BABAM2: variants seen among roughly 807,000 people sequenced by gnomAD.
The protein encoded by BABAM2 is BRISC and BRCA1 A complex member 2.
A neutral mutation model predicts 54.7 loss-of-function variants in BABAM2; 31 were observed. That is an observed-to-expected ratio of 0.57 (90% CI 0.43 to 0.77). BABAM2 has a LOEUF of 0.77. Ranked by LOEUF, BABAM2 falls within the 30% of genes least tolerant of loss-of-function variation. BABAM2 has a pLI of 0.00. For synonymous variants in BABAM2, 167 were observed against 162.9 expected (o/e 1.03, Z -0.19); for missense variants, 364 against 455.8 (o/e 0.80, Z 1.83).
chr2:28,314,152 G>A (rs1356685416), intron 11 of BABAM2, among the ~76,000 whole-genome samples: 1 of 152,092 alleles, frequency 6.6e-6, no homozygotes, highest in Non-Finnish European at 1.5e-5. Flanking sequence ...CAGACAATAA[G>A]AATTGTAAAA....
chr2:28,076,825 G>A (rs1664731144), intron 6 of BABAM2, among the ~76,000 whole-genome samples: 1 of 152,040 alleles, frequency 6.6e-6, no homozygotes, highest in African/African-American at 2.4e-5. Flanking sequence ...TTAATAGAAA[G>A]TTTTATCATC....
chr2:27,986,051 G>A lies in BABAM2; in HGVS notation c.206-1942G>A, dbSNP rs145670870. Among the ~76,000 whole-genome samples the A allele has an allele frequency of 7.2e-4, 109 of 152,238 alleles. 1 individual carries two copies. In the South Asian group the frequency reaches 0.017, roughly 24 times the overall value. ...AGAACTGAGCAAGGAGAGAGATATA[G>A]TATTTGATGTCATAGTATTTGGAGG... On this transcript the variant is annotated intron_variant, in intron 3 of 11. Coordinates refer to ENST00000379624, the MANE Select transcript of BABAM2 (RefSeq NM_199191.3).
chr2:27,969,985 A>G (rs2148448836), intron 3 of BABAM2, among the ~76,000 whole-genome samples: 1 of 152,138 alleles, frequency 6.6e-6, no homozygotes, highest in East Asian at 1.9e-4. Flanking sequence ...GGCATCTGCT[A>G]CACTTCTCAG....
At chr2:27,900,423 T>G (rs781511172) in intron 2 of BABAM2, among the ~76,000 whole-genome samples, 1 of 152,110 alleles carries the variant, frequency 6.6e-6, no homozygotes, top group Non-Finnish European at 1.5e-5. Flanking sequence ...TTATCTAGAT[T>G]TTTCTACCTT....
chr2:28,265,769 G>A lies in BABAM2; in HGVS notation c.934+20907G>A, dbSNP rs574244460. Among the ~76,000 whole-genome samples the A allele has an allele frequency of 2.6e-5, 4 of 152,118 alleles. No homozygotes were observed. In the East Asian group the frequency reaches 7.7e-4, roughly 29 times the overall value. On this transcript the variant is annotated intron_variant, in intron 10 of 11. Transcript: ENST00000379624. ...CCCCACCCCACATACAAAACATAGGGACTCTCTCTAAGAATGTACCTTTAA... is the reference window on the plus strand; with the variant it reads ...CCCCACCCCACATACAAAACATAGGAACTCTCTCTAAGAATGTACCTTTAA...
chr2:28,061,733 C>G (rs1291681705), intron 6 of BABAM2, among the ~76,000 whole-genome samples: 3 of 151,466 alleles, frequency 2.0e-5, no homozygotes, highest in Non-Finnish European at 4.4e-5. Context: ...AAACCTGAAA[C>G]TATACAACTT....
At chr2:28,205,817 T>C (rs1678785624) in intron 7 of BABAM2, among the ~76,000 whole-genome samples, 1 of 152,242 alleles carries the variant, frequency 6.6e-6, no homozygotes, top group African/African-American at 2.4e-5. Context: ...AGTAGAAATT[T>C]ATTTCTCCTA....
intron 10 of BABAM2, among the ~76,000 whole-genome samples, chr2:28,278,219 T>C (rs1453505736): frequency 6.6e-6 from 1 of 152,162 alleles, no homozygotes. Context: ...TTGGGAGTAT[T>C]TTGAACAGGG....
rs1669140603 is a variant in BABAM2, at chr2:27,944,349, A to G, written c.205+14441A>G. Among the ~76,000 whole-genome samples, 3 of 152,172 alleles carry G rather than the reference A, an allele frequency of 2.0e-5. No individual in the cohort carries two copies. In the South Asian group the frequency reaches 6.2e-4, roughly 32 times the overall value. On this transcript the variant is annotated intron_variant, in intron 3 of 11. Transcript: ENST00000379624. ...AAGATAAAGAACATTTCCATTCCCT[A>G]AAGGTATAGAACATTTCCTTACCCA...
intron 7 of BABAM2, among the ~76,000 whole-genome samples, chr2:28,141,493 C>T (rs1458356364): frequency 6.6e-5 from 10 of 152,128 alleles, no homozygotes; most frequent in Admixed American, 6.5e-4. Context: ...GCAGTTTTTA[C>T]CCCTATTACT....
chr2:28,112,711 G>A (rs984052702), intron 6 of BABAM2, among the ~76,000 whole-genome samples: 3 of 152,064 alleles, frequency 2.0e-5, no homozygotes, highest in Non-Finnish European at 4.4e-5. Context: ...ATAATCCTTT[G>A]GGTATATACC....
At chr2:28,216,487 A>G (rs999261989) in intron 7 of BABAM2, among the ~76,000 whole-genome samples, 1 of 152,214 alleles carries the variant, frequency 6.6e-6, no homozygotes, top group African/African-American at 2.4e-5. Context: ...CTTCCTTGGA[A>G]TGAAAACCAT....
At chr2:27,907,094 T>A (rs1352037180) in intron 2 of BABAM2, among the ~76,000 whole-genome samples, 1 of 152,184 alleles carries the variant, frequency 6.6e-6, no homozygotes, top group African/African-American at 2.4e-5. Flanking sequence ...GTTACTTGAA[T>A]AGTTTTATTT....
At chr2:28,050,401 G>C (rs1326576503) in intron 6 of BABAM2, among the ~76,000 whole-genome samples, 1 of 152,114 alleles carries the variant, frequency 6.6e-6, no homozygotes, top group Non-Finnish European at 1.5e-5. Flanking sequence ...ATACAGTGTG[G>C]TATTCAGGGA....
chr2:28,322,184 G>A lies in BABAM2; in HGVS notation c.1089-16266G>A, dbSNP rs1690076729. 6.6e-6 allele frequency among the ~76,000 whole-genome samples: 1 copy of A among 152,074 alleles called. No homozygotes were observed. Among genetic ancestry groups the A allele is most frequent in the Non-Finnish European group, 1.5e-5 (1 of 68,022 alleles). The stretch of plus-strand genomic sequence containing the variant: ...CTGGGGCAGAGTAGTCTGGAGTGCT[G>A]CATGTAAAGCTAGGCACTCCCCAGT... On this transcript the variant is annotated intron_variant, in intron 11 of 11. Transcript: ENST00000379624. This position sits in a 1 kb window ranked among gnomAD's most constrained non-coding sequence, Gnocchi z 4.1.
At chr2:27,915,562 A>G (rs987183590) in intron 2 of BABAM2, among the ~76,000 whole-genome samples, 1 of 152,202 alleles carries the variant, frequency 6.6e-6, no homozygotes, top group Non-Finnish European at 1.5e-5. Flanking sequence ...CTAACAACCA[A>G]AAATACGTGG....
chr2:28,007,050 T>G (rs1674028593), intron 4 of BABAM2, among the ~76,000 whole-genome samples: 1 of 151,930 alleles, frequency 6.6e-6, no homozygotes, highest in Non-Finnish European at 1.5e-5. Context: ...TTTTTGATGG[T>G]TTGGAAGCAT....
chr2:28,084,371 G>A (rs1487812165), intron 6 of BABAM2, among the ~76,000 whole-genome samples: 1 of 152,106 alleles, frequency 6.6e-6, no homozygotes, highest in Admixed American at 6.6e-5. Context: ...GGCAGATAGG[G>A]CATTTTTCCA....
At chr2:28,009,806 AT>A (rs1674259149) in intron 4 of BABAM2, among the ~76,000 whole-genome samples, 2 of 152,130 alleles carry the variant, frequency 1.3e-5, no homozygotes. Flanking sequence ...CTGGGGACCC[AT>A]TTTAAGCCTC....
Sources: gnomAD v4.1 joint callset for allele counts (sites outside exome capture counted in the v4.1 genomes callset) on GRCh38, gnomAD v4.1.1 for gene constraint, Gnocchi (gnomAD v3.1) non-coding constraint, MANE v1.5 for transcripts, NCBI Gene and HGNC (gene_info 2026-07-23, HGNC 2026-07-21) for gene names.